GNG12: variants seen among roughly 807,000 people sequenced by gnomAD.
The protein encoded by GNG12 is guanine nucleotide-binding protein G(I)/G(S)/G(O) subunit gamma-12.
For synonymous variants in GNG12, 28 were observed against 29.7 expected (o/e 0.94, Z 0.19); for missense variants, 69 against 83.8 (o/e 0.82, Z 0.69).
At chr1:67,721,872 C>A (rs901047233) in intron 2 of GNG12, among the ~76,000 whole-genome samples, 3 of 152,256 alleles carry the variant, frequency 2.0e-5, no homozygotes, top group African/African-American at 7.2e-5. Flanking sequence ...CATTCCTGCT[C>A]TCTGCTCCCC....
chr1:67,709,472 G>A (rs894436844), intron 2 of GNG12, among the ~76,000 whole-genome samples: 10 of 152,086 alleles, frequency 6.6e-5, no homozygotes, highest in African/African-American at 1.9e-4. Context: ...GCCATCAGAG[G>A]ATTTCCCTAG....
intron 1 of GNG12, among the ~76,000 whole-genome samples, chr1:67,788,975 T>A (rs959430358): frequency 1.3e-5 from 2 of 152,166 alleles, no homozygotes; most frequent in Non-Finnish European, 2.9e-5. Flanking sequence ...GTGAATGAGA[T>A]AAAGGCTATA....
At chr1:67,723,903 G>A (rs1325807993) in intron 2 of GNG12, among the ~76,000 whole-genome samples, 1 of 152,212 alleles carries the variant, frequency 6.6e-6, no homozygotes, top group Non-Finnish European at 1.5e-5. Context: ...AGGAAGTAGA[G>A]GGCAAGAACA....
rs143313969 is a variant in GNG12, at chr1:67,749,226, G to A, written c.-27+28232C>T. On this transcript the variant is annotated intron_variant, in intron 2 of 3. Transcript: ENST00000370982. ...GGTTCGCATCCTGCCTTTGTCATTT[G>A]CTCGTAGTGAGACTATGGATAGGTC... is the stretch of plus-strand genomic sequence containing the variant. Among the ~76,000 whole-genome samples the A allele has an allele frequency of 2.5e-3, 382 of 152,348 alleles. 3 individuals are homozygous for A. The highest frequency in any genetic ancestry group is 8.7e-3 in the African/African-American group (361 of 41,578).
chr1:67,828,991 T>C (rs1354854871), intron 1 of GNG12, among the ~76,000 whole-genome samples: 1 of 152,242 alleles, frequency 6.6e-6, no homozygotes, highest in African/African-American at 2.4e-5. Context: ...TTTTAGTAAC[T>C]ATTACGCAAA....
intron 2 of GNG12, among the ~76,000 whole-genome samples, chr1:67,744,552 G>A (rs17531684): frequency 0.089 from 13,588 of 152,238 alleles, 625 homozygotes; most frequent in Admixed American, 0.11. Flanking sequence ...GAGGGCCCAC[G>A]TCTTAGTGCA....
At chr1:67,755,792 CT>C (rs1158315513) in intron 2 of GNG12, among the ~76,000 whole-genome samples, 2 of 152,024 alleles carry the variant, frequency 1.3e-5, no homozygotes, top group Admixed American at 6.5e-5. Flanking sequence ...GCACTTAGGA[CT>C]TTTATAATGT....
intron 3 of GNG12, among the ~76,000 whole-genome samples, chr1:67,705,854 C>A (rs1023622192): frequency 1.3e-5 from 2 of 152,076 alleles, no homozygotes; most frequent in Admixed American, 1.3e-4. Flanking sequence ...GAGGACACAC[C>A]GCCAGCTAAT....
chr1:67,798,519 T>C (rs1470401674), intron 1 of GNG12, among the ~76,000 whole-genome samples: 1 of 152,096 alleles, frequency 6.6e-6, no homozygotes, highest in Non-Finnish European at 1.5e-5. Flanking sequence ...TCCATAAAGT[T>C]ACCCTGTCTT....
chr1:67,743,050 G>A (rs1326496363), intron 2 of GNG12, among the ~76,000 whole-genome samples: 1 of 152,016 alleles, frequency 6.6e-6, no homozygotes, highest in Non-Finnish European at 1.5e-5. Context: ...AAAGATACAA[G>A]CTATCTACTT....
rs1369809135 is a variant in GNG12 at position 67,702,130 on chromosome 1, C to T, written c.*3321G>A. ...GGGCTATGATCCAGGCCACTGACTT[C>T]AGGTAAGTGCTCTATTTTAACATAC... On this transcript the variant is annotated 3_prime_UTR_variant, in exon 4 of 4. Transcript: ENST00000370982. The T allele has an allele frequency of 1.3e-5, 2 of 152,354 alleles. No individual in the cohort carries two copies. Among genetic ancestry groups the T allele is most frequent in the Non-Finnish European group, 2.9e-5 (2 of 68,080 alleles). 9.4% of individuals were successfully genotyped at this position (152,354 alleles called of 1,614,324 possible).
At position 67,702,470 on chromosome 1, in the gene GNG12, C is replaced by T. The variant is rs1232348877; in HGVS notation, c.*2981G>A. The T allele has an allele frequency of 6.6e-6, 1 of 151,910 alleles. No homozygotes were observed. Among genetic ancestry groups the T allele is most frequent in the Non-Finnish European group, 1.5e-5 (1 of 67,962 alleles). The allele number at this position is 151,910 out of a possible 1,614,324, so 9.4% of individuals were successfully genotyped here. A position where few individuals can be genotyped will look rare whatever the true frequency, so the allele number is the denominator to read the frequency against. On this transcript the variant is annotated 3_prime_UTR_variant, in exon 4 of 4. Transcript: ENST00000370982. The stretch of plus-strand genomic sequence containing the variant: ...TTGGTATAAAGTTTTGGTTTTTTTC[C>T]TGATAGTTTAAAGATTAGTAAAGTA...
At chr1:67,722,114 G>T (rs1646359512) in intron 2 of GNG12, among the ~76,000 whole-genome samples, 1 of 151,878 alleles carries the variant, frequency 6.6e-6, no homozygotes, top group Non-Finnish European at 1.5e-5. Context: ...CACTTCCTTA[G>T]AATGCACTTA....
chr1:67,706,952 G>A (rs555286789), intron 3 of GNG12, among the ~76,000 whole-genome samples: 44 of 152,298 alleles, frequency 2.9e-4, no homozygotes, highest in South Asian at 6.2e-4. Context: ...GAGCCACCGC[G>A]CCTGGCCAAC....
At chr1:67,737,575 T>C (rs1399267164) in intron 2 of GNG12, among the ~76,000 whole-genome samples, 1 of 152,136 alleles carries the variant, frequency 6.6e-6, no homozygotes, top group African/African-American at 2.4e-5. Context: ...TTGGACTAGA[T>C]CAGTGTTTCC....
intron 1 of GNG12, among the ~76,000 whole-genome samples, chr1:67,798,346 G>A (rs2100792936): frequency 6.6e-6 from 1 of 152,276 alleles, no homozygotes; most frequent in South Asian, 2.1e-4. Context: ...ATGATCTGAG[G>A]TGGAACAGTT....
intron 1 of GNG12, among the ~76,000 whole-genome samples, chr1:67,805,683 T>C (rs962811845): frequency 6.6e-6 from 1 of 151,856 alleles, no homozygotes; most frequent in Non-Finnish European, 1.5e-5. Context: ...AGGTGTAACA[T>C]ACATGTAACA....
intron 2 of GNG12, among the ~76,000 whole-genome samples, chr1:67,767,639 T>C (rs777488383): frequency 1.3e-5 from 2 of 152,244 alleles, no homozygotes; most frequent in African/African-American, 2.4e-5. Flanking sequence ...ATTGAGAGCA[T>C]TTATCTAAAC....
intron 1 of GNG12, among the ~76,000 whole-genome samples, chr1:67,795,372 G>A (rs1039501913): frequency 3.9e-5 from 6 of 152,196 alleles, no homozygotes; most frequent in Non-Finnish European, 5.9e-5. Flanking sequence ...TCAACCGCAC[G>A]CACCTTGCCT....
Sources: allele counts gnomAD v4.1 joint callset (sites outside exome capture counted in the v4.1 genomes callset), GRCh38; gene constraint gnomAD v4.1.1; transcripts MANE v1.5; gene names NCBI Gene and HGNC (gene_info 2026-07-23, HGNC 2026-07-21).